LYPD6: variants seen among roughly 807,000 people sequenced by gnomAD.
LYPD6 encodes the protein ly6/PLAUR domain-containing protein 6.
LYPD6 carries 15 observed loss-of-function variants against 22.7 expected under a neutral mutation model. The ratio of observed to expected loss-of-function variants is 0.66; its 90% CI spans 0.44 to 1.02. The LOEUF is 1.02. Ranked by LOEUF, LYPD6 falls within the 50% of genes least tolerant of loss-of-function variation. The pLI is 0.00. For synonymous variants in LYPD6, 72 were observed against 77.5 expected (o/e 0.93, Z 0.37); for missense variants, 189 against 208.4 (o/e 0.91, Z 0.57).
intron 1 of LYPD6, among the ~76,000 whole-genome samples, chr2:149,382,355 C>T (rs1292064700): frequency 6.6e-6 from 1 of 152,154 alleles, no homozygotes; most frequent in Non-Finnish European, 1.5e-5. Flanking sequence ...AAATATCTCT[C>T]ATGTTCCCTT....
intron 3 of LYPD6, among the ~76,000 whole-genome samples, chr2:149,463,693 T>G (rs1681136239): frequency 6.6e-6 from 1 of 152,240 alleles, no homozygotes; most frequent in African/African-American, 2.4e-5. Context: ...CGTGGAATAC[T>G]ACTCAGCAAT....
chr2:149,455,701 T>G (rs1446686934), intron 3 of LYPD6, among the ~76,000 whole-genome samples: 2 of 152,196 alleles, frequency 1.3e-5, no homozygotes, highest in Non-Finnish European at 2.9e-5. Context: ...ATGCTTCCAT[T>G]TGATGGTCTG....
chr2:149,403,293 G>A (rs1386669408), intron 1 of LYPD6, among the ~76,000 whole-genome samples: 1 of 150,410 alleles, frequency 6.6e-6, no homozygotes, highest in Non-Finnish European at 1.5e-5. Context: ...CTAGATCCCT[G>A]AGGAATCGCC....
At chr2:149,332,418 A>G (rs1420356) in intron 1 of LYPD6, among the ~76,000 whole-genome samples, 61,299 of 152,076 alleles carry the variant, frequency 0.4, 13,146 homozygotes, top group Middle Eastern at 0.5. Flanking sequence ...ATAATGCATA[A>G]ATCGGGCTGA....
chr2:149,484,870 C>T, the LYPD6 span, among the ~76,000 whole-genome samples: 4 of 152,178 alleles, frequency 2.6e-5, no homozygotes, highest in East Asian at 5.8e-4. Flanking sequence ...CCCTGTATCC[C>T]TCTAAGGATA....
At chr2:149,343,715 T>G (rs1226722907) in intron 1 of LYPD6, among the ~76,000 whole-genome samples, 1 of 152,210 alleles carries the variant, frequency 6.6e-6, no homozygotes, top group African/African-American at 2.4e-5. Flanking sequence ...TGTTTCCCAC[T>G]TTCATCTAAA....
At chr2:149,381,053 G>A (rs1682050967) in intron 1 of LYPD6, among the ~76,000 whole-genome samples, 1 of 152,182 alleles carries the variant, frequency 6.6e-6, no homozygotes, top group Non-Finnish European at 1.5e-5. Flanking sequence ...GACATCATTG[G>A]TGGCCTTGAG....
intron 1 of LYPD6, among the ~76,000 whole-genome samples, chr2:149,358,651 T>A (rs950290631): frequency 6.6e-6 from 1 of 152,022 alleles, no homozygotes; most frequent in Non-Finnish European, 1.5e-5. Flanking sequence ...GAGATGAATA[T>A]GCAAATATAT....
At chr2:149,449,381 T>A (rs767589204) in intron 3 of LYPD6, among the ~76,000 whole-genome samples, 6 of 152,184 alleles carry the variant, frequency 3.9e-5, no homozygotes, top group Admixed American at 1.3e-4. Context: ...CCACAGGAGG[T>A]GATACCTTCG....
chr2:149,401,811 A>T (rs1426383800), intron 1 of LYPD6, among the ~76,000 whole-genome samples: 2 of 152,020 alleles, frequency 1.3e-5, no homozygotes, highest in Non-Finnish European at 1.5e-5. Flanking sequence ...TGCACCCAAC[A>T]CCCGAGTAGT....
chr2:149,480,388 A>G, the LYPD6 span, among the ~76,000 whole-genome samples: 2 of 151,780 alleles, frequency 1.3e-5, no homozygotes, highest in Non-Finnish European at 1.5e-5. Context: ...TGCCAGGTGT[A>G]CTCTTCACCC....
At chr2:149,402,691 T>A (rs1332758645) in intron 1 of LYPD6, among the ~76,000 whole-genome samples, 1 of 152,160 alleles carries the variant, frequency 6.6e-6, no homozygotes, top group East Asian at 1.9e-4. Flanking sequence ...TTTTGAGAAT[T>A]GTCTATTCAT....
rs1681260811 is a variant in LYPD6, at chr2:149,468,662, A to C, written c.235A>C (p.Thr79Pro). The C allele has an allele frequency of 6.2e-7, 1 of 1,613,528 alleles. No homozygotes were observed. Among genetic ancestry groups the C allele is most frequent in the East Asian group, 2.2e-5 (1 of 44,854 alleles). Residue 79 changes from threonine (T) to proline (P), a missense_variant, in exon 4 of 5, where the codon ACT (threonine) becomes CCT (proline). By Grantham distance (38) the Thr-to-Pro change is conservative (BLOSUM62 -1). Coordinates refer to ENST00000334166, the MANE Select transcript of LYPD6 (RefSeq NM_194317.5). Reference protein sequence around the residue: ...YCPRETRYCYTQHTMEVTGNS... With the variant: ...YCPRETRYCYPQHTMEVTGNS... ...GTTGACAGAGACCAGATACTGCTACACTCAGCACACAATGGAAGTCACAGG... is the reference window on the plus strand; with the variant it reads ...GTTGACAGAGACCAGATACTGCTACCCTCAGCACACAATGGAAGTCACAGG...
chr2:149,368,713 C>T (rs1277581940), intron 1 of LYPD6, among the ~76,000 whole-genome samples: 1 of 151,892 alleles, frequency 6.6e-6, no homozygotes, highest in African/African-American at 2.4e-5. Context: ...ACAAGAAGAC[C>T]AAATAGTATG....
chr2:149,457,273 T>C (rs767735449), intron 3 of LYPD6, among the ~76,000 whole-genome samples: 10 of 152,228 alleles, frequency 6.6e-5, no homozygotes, highest in African/African-American at 2.2e-4. Context: ...ATGGAAGATA[T>C]GTTATAGACG....
intron 3 of LYPD6, among the ~76,000 whole-genome samples, chr2:149,467,084 A>G (rs772589216): frequency 3.2e-4 from 49 of 152,336 alleles, no homozygotes; most frequent in Middle Eastern, 3.4e-3. Flanking sequence ...CTCTTCTTCA[A>G]CAGAAAAGCA....
chr2:149,468,463 C>T (rs1257579266), intron 3 of LYPD6, among the ~76,000 whole-genome samples, 182 bp from the exon 4 acceptor site: 3 of 152,146 alleles, frequency 2.0e-5, no homozygotes, highest in Non-Finnish European at 4.4e-5. Flanking sequence ...GGTTGTCCTC[C>T]TACCATGGCA....
chr2:149,447,681 T>C (rs148241389), intron 2 of LYPD6, among the ~76,000 whole-genome samples: 76 of 152,338 alleles, frequency 5.0e-4, no homozygotes, highest in African/African-American at 1.8e-3. Flanking sequence ...ATTGAAATGG[T>C]CAAACATCAG....
intron 2 of LYPD6, 117 bp from the exon 3 acceptor site, chr2:149,448,932 A>T: frequency 1.3e-6 from 1 of 773,708 alleles, no homozygotes; most frequent in Non-Finnish European, 2.1e-6. Flanking sequence ...TTGAAGGTTT[A>T]AGAAACTGCT....
Sources: gnomAD v4.1 joint callset for allele counts (sites outside exome capture counted in the v4.1 genomes callset) on GRCh38, gnomAD v4.1.1 for gene constraint, MANE v1.5 for transcripts, NCBI Gene and HGNC (gene_info 2026-07-23, HGNC 2026-07-21) for gene names.